The following DLG2 variants were observed in gnomAD, a reference collection of about 807,000 sequenced individuals.
DLG2 encodes the protein disks large homolog 2.
In DLG2, 45 loss-of-function variants were observed where a neutral mutation model predicts 132.5. The ratio of observed to expected loss-of-function variants is 0.34; its 90% CI spans 0.27 to 0.44. DLG2 has a LOEUF of 0.44. Among genes scored for constraint, DLG2 ranks in the 20% least tolerant of loss-of-function variants. The pLI, the probability that DLG2 is intolerant of heterozygous loss-of-function variation, is 1.00. For synonymous variants in DLG2, 424 were observed against 419.6 expected (o/e 1.01, Z -0.13); for missense variants, 1,045 against 1,196.9 (o/e 0.87, Z 1.87).
At chr11:84,658,073 G>A (rs1156423422) in intron 6 of DLG2, among the ~76,000 whole-genome samples, 1 of 152,110 alleles carries the variant, frequency 6.6e-6, no homozygotes, top group Non-Finnish European at 1.5e-5. Flanking sequence ...ATTCCAAAAT[G>A]GGGAATACAG....
intron 4 of DLG2, among the ~76,000 whole-genome samples, chr11:85,165,030 C>T (rs1230972764): frequency 6.6e-6 from 1 of 152,112 alleles, no homozygotes; most frequent in African/African-American, 2.4e-5. Context: ...GATGAGCTCT[C>T]CAGGTGATTC....
intron 6 of DLG2, chr11:84,720,371 G>A (rs919980045): frequency 1.0e-6 from 1 of 985,452 alleles, no homozygotes; most frequent in East Asian, 1.1e-4. Flanking sequence ...GTGTAAAACA[G>A]TCAGGGTCCT....
At chr11:84,060,605 G>A (rs1459456983) in intron 10 of DLG2, among the ~76,000 whole-genome samples, 1 of 151,060 alleles carries the variant, frequency 6.6e-6, no homozygotes, top group Non-Finnish European at 1.5e-5. Flanking sequence ...TTTCCAGGTA[G>A]TTTAAAGTTA....
chr11:84,338,938 T>C (rs2098501285), intron 7 of DLG2, among the ~76,000 whole-genome samples: 2 of 152,210 alleles, frequency 1.3e-5, no homozygotes, highest in South Asian at 2.1e-4. Flanking sequence ...TAAATGTGGA[T>C]TTGCTCACTG....
chr11:85,472,194 C>A (rs969541917), intron 3 of DLG2, among the ~76,000 whole-genome samples: 11 of 152,324 alleles, frequency 7.2e-5, no homozygotes, highest in Admixed American at 4.6e-4. Context: ...TTGGCACACA[C>A]TCCCCATTCT....
intron 6 of DLG2, among the ~76,000 whole-genome samples, chr11:84,897,916 G>A (rs17159857): frequency 0.16 from 23,741 of 151,594 alleles, 2,363 homozygotes; most frequent in African/African-American, 0.27. Context: ...AACTATTATT[G>A]TTGGAAAAAT....
chr11:84,795,597 A>G (rs2074481490), intron 6 of DLG2, among the ~76,000 whole-genome samples: 1 of 152,162 alleles, frequency 6.6e-6, no homozygotes, highest in African/African-American at 2.4e-5. Flanking sequence ...ACAAGAACTC[A>G]GGACCCACCA....
chr11:83,554,184 T>G (rs1175419490), intron 19 of DLG2, among the ~76,000 whole-genome samples: 1 of 152,180 alleles, frequency 6.6e-6, no homozygotes, highest in Admixed American at 6.5e-5. Context: ...ATGCCAGGCC[T>G]ATAGTCTTTA....
At chr11:84,173,875 T>C (rs2095877317) in intron 8 of DLG2, among the ~76,000 whole-genome samples, 1 of 152,128 alleles carries the variant, frequency 6.6e-6, no homozygotes, top group Non-Finnish European at 1.5e-5. Context: ...ACAGGGTCTA[T>C]CCTTGCTAGT....
chr11:85,130,845 T>C (rs562798034), intron 5 of DLG2, among the ~76,000 whole-genome samples: 2 of 152,144 alleles, frequency 1.3e-5, no homozygotes, highest in African/African-American at 4.8e-5. Flanking sequence ...ATAGATAAGA[T>C]TTGCAGTCTA....
At chr11:84,308,352 G>A (rs1358073723) in intron 7 of DLG2, among the ~76,000 whole-genome samples, 1 of 152,184 alleles carries the variant, frequency 6.6e-6, no homozygotes, top group African/African-American at 2.4e-5. Context: ...CAATCCCTGA[G>A]CTAGACACAG....
At chr11:84,450,235 G>A (rs1280965394) in intron 7 of DLG2, among the ~76,000 whole-genome samples, 7 of 151,636 alleles carry the variant, frequency 4.6e-5, no homozygotes, top group Non-Finnish European at 8.9e-5. Flanking sequence ...AAGCCATGGC[G>A]TAACAGTACA....
intron 6 of DLG2, among the ~76,000 whole-genome samples, chr11:84,732,793 CA>C (rs1201356922): frequency 1.3e-5 from 2 of 150,648 alleles, no homozygotes; most frequent in African/African-American, 4.9e-5. Context: ...TCCCTCCCCC[CA>C]CCCACCCCAC....
chr11:84,137,907 T>C (rs1358620548), intron 9 of DLG2, among the ~76,000 whole-genome samples: 1 of 151,426 alleles, frequency 6.6e-6, no homozygotes, highest in East Asian at 1.9e-4. Flanking sequence ...AGATTCTATG[T>C]TCAAAGTGAG....
intron 6 of DLG2, among the ~76,000 whole-genome samples, chr11:84,939,748 A>G (rs895452431): frequency 6.6e-6 from 1 of 152,236 alleles, no homozygotes; most frequent in Non-Finnish European, 1.5e-5. Flanking sequence ...TGCAAATGAC[A>G]GTATCTCATT....
intron 21 of DLG2, among the ~76,000 whole-genome samples, chr11:83,492,016 C>T (rs1033775069): frequency 3.9e-5 from 6 of 152,174 alleles, no homozygotes; most frequent in African/African-American, 7.2e-5. Flanking sequence ...ATGCTCATTC[C>T]GTAGGTACTA....
At chr11:84,671,428 G>A (rs1221110420) in intron 6 of DLG2, among the ~76,000 whole-genome samples, 6 of 152,056 alleles carry the variant, frequency 3.9e-5, no homozygotes, top group Admixed American at 3.9e-4. Context: ...TGACCCCAGA[G>A]CAGCAGTTCC....
intron 6 of DLG2, among the ~76,000 whole-genome samples, chr11:84,886,123 G>A (rs1190092795): frequency 2.6e-5 from 4 of 152,072 alleles, no homozygotes; most frequent in Admixed American, 2.0e-4. Context: ...AGCTTAACCT[G>A]GGAAGGTCAG....
chr11:83,484,486 A>T (rs1264819652), intron 21 of DLG2, among the ~76,000 whole-genome samples: 3 of 138,386 alleles, frequency 2.2e-5, no homozygotes, highest in African/African-American at 8.4e-5. Flanking sequence ...AAAGAGTCTT[A>T]AATTAGAAGG....
Sources: gnomAD v4.1 joint callset for allele counts (sites outside exome capture counted in the v4.1 genomes callset) on GRCh38, gnomAD v4.1.1 for gene constraint, MANE v1.5 for transcripts, NCBI Gene and HGNC (gene_info 2026-07-23, HGNC 2026-07-21) for gene names.